Variants in KLHL26 observed in about 807,000 individuals in gnomAD.
KLHL26 encodes the protein kelch like family member 26.
In KLHL26, 4 loss-of-function variants were observed where a neutral mutation model predicts 7.1. The observed-to-expected ratio is 0.56, with a 90% CI of 0.28 to 1.28. The LOEUF (loss-of-function observed/expected upper bound fraction) is 1.28. Ranked by LOEUF, KLHL26 falls within the 50% of genes most tolerant of loss-of-function variation. The pLI is 0.11. For synonymous variants in KLHL26, 465 were observed against 414.1 expected, an observed-to-expected ratio of 1.12 and a Z score of -1.49; for missense variants, 896 against 924.6, an observed-to-expected ratio of 0.97 and a Z score of 0.40.
At position 18,667,603 on chromosome 19, in the gene KLHL26, C is replaced by G. The variant is rs768994438; in HGVS notation, c.267-61C>G. The G allele has an allele frequency of 1.9e-6, 3 of 1,561,642 alleles. No individual in the cohort carries two copies. The South Asian group carries it at 3.7e-5, about 19-fold the overall frequency. On this transcript the variant is annotated intron_variant, in intron 2 of 2. Transcript: ENST00000300976. ...CTACTGTTCCCCAGGCCAGATCATTCCTGGCTGGCCAAAACACCCCTCAGC... is the reference window on the plus strand; with the variant it reads ...CTACTGTTCCCCAGGCCAGATCATTGCTGGCTGGCCAAAACACCCCTCAGC...
chr19:18,659,289 T>G (rs2052367787), intron 1 of KLHL26, among the ~76,000 whole-genome samples: 1 of 152,114 alleles, frequency 6.6e-6, no homozygotes, highest in Non-Finnish European at 1.5e-5. Context: ...AGGCTAGGGA[T>G]TGGGCAGTGG....
Position 18,669,074 on chromosome 19 carries a change from G to A in KLHL26, c.1677G>A (p.Arg559=). The A allele has an allele frequency of 1.2e-6, 2 of 1,612,862 alleles. No homozygotes were observed. Among genetic ancestry groups the A allele is most frequent in the Non-Finnish European group, 1.7e-6 (2 of 1,179,942 alleles). Residue 559 remains arginine, a synonymous_variant, in exon 3 of 3, where the codon AGG becomes AGA. Coordinates refer to ENST00000300976, the MANE Select transcript of KLHL26 (RefSeq NM_018316.3). ...AGGCCGGCTGCTGCCTGCTGGAGAGGAAGATCTACATCGTCGGGGGCTACA... is the reference window on the plus strand; with the variant it reads ...AGGCCGGCTGCTGCCTGCTGGAGAGAAAGATCTACATCGTCGGGGGCTACA... ...QSEAGCCLLE[R]KIYIVGGYNW...
chr19:18,667,180 G>A (rs1239393928), intron 2 of KLHL26, among the ~76,000 whole-genome samples: 2 of 151,520 alleles, frequency 1.3e-5, no homozygotes, highest in Non-Finnish European at 2.9e-5. Context: ...GTTTGTTTGA[G>A]ACAGAGTCTC....
chr19:18,666,501 C>T (rs554392971), intron 2 of KLHL26, among the ~76,000 whole-genome samples: 23 of 152,276 alleles, frequency 1.5e-4, no homozygotes, highest in East Asian at 5.8e-4. Context: ...ACACCCTAAA[C>T]GCTGTAGGGG....
chr19:18,660,110 C>G (rs898660687), intron 1 of KLHL26, among the ~76,000 whole-genome samples: 3 of 152,194 alleles, frequency 2.0e-5, no homozygotes, highest in African/African-American at 7.2e-5. Flanking sequence ...GAGTTTACCC[C>G]ACCCAGGCTC....
At chr19:18,642,418 A>C (rs1976730061) in intron 1 of KLHL26, among the ~76,000 whole-genome samples, 1 of 148,858 alleles carries the variant, frequency 6.7e-6, no homozygotes, top group African/African-American at 2.5e-5. Context: ...CCCAGGCTGG[A>C]GTGCAGTGGC....
intron 1 of KLHL26, among the ~76,000 whole-genome samples, chr19:18,647,354 T>A (rs1367060700): frequency 1.3e-5 from 2 of 151,946 alleles, no homozygotes; most frequent in Non-Finnish European, 2.9e-5. Flanking sequence ...TCATCCCACC[T>A]CCCCCACGGC....
chr19:18,647,338 C>T (rs1198420383), intron 1 of KLHL26, among the ~76,000 whole-genome samples: 2 of 152,200 alleles, frequency 1.3e-5, no homozygotes, highest in African/African-American at 2.4e-5. Flanking sequence ...GGAGCCCCTG[C>T]GAATGTCATC....
At chr19:18,642,982 C>T (rs1460263894) in intron 1 of KLHL26, among the ~76,000 whole-genome samples, 3 of 151,882 alleles carry the variant, frequency 2.0e-5, no homozygotes, top group South Asian at 2.1e-4. Context: ...TACCAGTGCA[C>T]GCCACCACGC....
In KLHL26 at chr19:18,669,039, G is replaced by A. The variant is rs748373013; in HGVS notation, c.1642G>A (p.Gly548Ser). ...QWTSVSPMRA[G>S]QSEAGCCLLE... ...GACCAGCGTGAGCCCCATGCGGGCC[G>A]GCCAGTCAGAGGCCGGCTGCTGCCT... Residue 548 changes from glycine (G) to serine (S), a missense_variant, in exon 3 of 3, where the codon GGC (glycine) becomes AGC (serine). Physicochemically the swap from Gly to Ser is moderately conservative, Grantham distance 56 (BLOSUM62 0). Coordinates refer to ENST00000300976, the MANE Select transcript of KLHL26 (RefSeq NM_018316.3). The A allele has an allele frequency of 1.2e-6, 2 of 1,612,800 alleles. No individual in the cohort carries two copies. The highest frequency in any genetic ancestry group is 1.7e-5 in the Admixed American group (1 of 60,026).
chr19:18,667,751 C>A lies in KLHL26; in HGVS notation c.354C>A (p.Ile118=). The part of the protein sequence containing the change: ...GVSARGLRHI[I]DFAYSAEVTL... ...CGGCCCGTGGCCTGCGGCACATCAT[C>A]GACTTCGCCTACAGCGCCGAGGTGA... Residue 118 remains isoleucine (I), a synonymous_variant, in exon 3 of 3, where the codon ATC becomes ATA. Transcript: ENST00000300976. 6.2e-7 allele frequency: 1 copy of A among 1,613,290 alleles called. No homozygotes were observed. Among genetic ancestry groups the A allele is most frequent in the South Asian group, 1.1e-5 (1 of 91,082 alleles).
chr19:18,657,689 ATCC>A, intron 1 of KLHL26, among the ~76,000 whole-genome samples: 1 of 152,226 alleles, frequency 6.6e-6, no homozygotes. Flanking sequence ...CCACTTGTCC[ATCC>A]AGAAGCCATT....
At position 18,668,760 on chromosome 19, in the gene KLHL26, G is replaced by A; in HGVS notation, c.1363G>A (p.Gly455Arg). Residue 455 changes from glycine to arginine, a missense_variant, in exon 3 of 3, where the codon GGG (glycine) becomes AGG (arginine). Gly to Arg is a moderately radical substitution (Grantham distance 125, BLOSUM62 -2). Transcript: ENST00000300976. ...GAAGCGCCGTACCTGGGGCCATGCT[G>A]GGGCCGCCTCAGGGGGCCGCCTCTA... is the stretch of plus-strand genomic sequence containing the variant. ...SLKRRTWGHAGAASGGRLYIS... is the reference protein window; with the variant it reads ...SLKRRTWGHARAASGGRLYIS... 6.3e-7 allele frequency: 1 copy of A among 1,591,308 alleles called. No homozygotes were observed. Among genetic ancestry groups the A allele is most frequent in the African/African-American group, 1.3e-5 (1 of 74,794 alleles).
chr19:18,657,579 C>T (rs1245039243), intron 1 of KLHL26, among the ~76,000 whole-genome samples: 2 of 151,940 alleles, frequency 1.3e-5, no homozygotes, highest in African/African-American at 4.8e-5. Flanking sequence ...TCTGTCTCCC[C>T]ATCTCTGTCC....
In KLHL26 at chr19:18,668,774, G is replaced by C. The variant is rs755836412; in HGVS notation, c.1377G>C (p.Gly459=). 1 of 1,594,812 alleles carries C rather than the reference G, an allele frequency of 6.3e-7. No homozygotes were observed. The highest frequency in any genetic ancestry group is 1.7e-5 in the Admixed American group (1 of 59,240). ...RTWGHAGAAS[G]GRLYISGGYG... ...GGGGCCATGCTGGGGCCGCCTCAGG[G>C]GGCCGCCTCTACATCTCGGGTGGCT... Residue 459 remains glycine (G), a synonymous_variant, in exon 3 of 3, where the codon GGG becomes GGC. Transcript: ENST00000300976.
intron 2 of KLHL26, 133 bp from the exon 3 acceptor site, chr19:18,667,531 G>A (rs767589642): frequency 1.3e-5 from 18 of 1,424,296 alleles, no homozygotes; most frequent in South Asian, 2.9e-5. Context: ...TGAGCATTCC[G>A]CCTACTTTCC....
intron 1 of KLHL26, among the ~76,000 whole-genome samples, chr19:18,639,094 G>A (rs1339701919): frequency 6.6e-6 from 1 of 151,268 alleles, no homozygotes; most frequent in Non-Finnish European, 1.5e-5. Context: ...TTTATTTTTT[G>A]AGACAGAATC....
intron 1 of KLHL26, among the ~76,000 whole-genome samples, chr19:18,638,585 G>T (rs1018689487): frequency 6.6e-6 from 1 of 152,232 alleles, no homozygotes; most frequent in Non-Finnish European, 1.5e-5. Flanking sequence ...AGTGGCCAGG[G>T]CTTGAAAATT....
intron 2 of KLHL26, chr19:18,667,451 G>A (rs756047490): frequency 3.9e-5 from 28 of 718,220 alleles, no homozygotes; most frequent in South Asian, 2.7e-4. Context: ...TGATCCACCC[G>A]CCTGGGCTTC....
Sources: gnomAD v4.1 joint callset for allele counts (sites outside exome capture counted in the v4.1 genomes callset) on GRCh38, gnomAD v4.1.1 for gene constraint, MANE v1.5 for transcripts, NCBI Gene and HGNC (gene_info 2026-07-23, HGNC 2026-07-21) for gene names.